ZNF229: variants seen among roughly 807,000 people sequenced by gnomAD.
ZNF229 encodes the protein zinc finger protein 229.
In ZNF229, 10 loss-of-function variants were observed where a neutral mutation model predicts 11.8. The observed-to-expected ratio is 0.85, with a 90% CI of 0.52 to 1.44. The LOEUF (loss-of-function observed/expected upper bound fraction) is 1.44, where lower values mean the gene tolerates loss of function less well. Ranked by LOEUF, ZNF229 falls within the 40% of genes most tolerant of loss-of-function variation. The pLI, the probability that ZNF229 is intolerant of heterozygous loss-of-function variation, is 0.00. For synonymous variants in ZNF229, 368 were observed against 374.8 expected, an observed-to-expected ratio of 0.98 and a Z score of 0.21; for missense variants, 1,045 against 1,015.1, an observed-to-expected ratio of 1.03 and a Z score of -0.40.
chr19:44,429,990 C>A lies in ZNF229; in HGVS notation c.791G>T (p.Gly264Val). 6.2e-7 allele frequency: 1 copy of A among 1,613,940 alleles called. No homozygotes were observed. Among genetic ancestry groups the A allele is most frequent in the Non-Finnish European group, 8.5e-7 (1 of 1,179,880 alleles). Residue 264 changes from glycine to valine, a missense_variant, in exon 6 of 6, where the codon GGC becomes GTC. Physicochemically the swap from Gly to Val is moderately radical, Grantham distance 109. Coordinates refer to ENST00000614049, the MANE Select transcript of ZNF229 (RefSeq NM_014518.4). ...VLHRINPGENGLKSNEYRNGF... is the reference protein window; with the variant it reads ...VLHRINPGENVLKSNEYRNGF... ...ATTTCTGTATTCGTTACTTTTCAAG[C>A]CATTCTCTCCAGGGTTAATGCGATG...
chr19:44,442,696 GTGC>G (rs1971934902), intron 3 of ZNF229, 75 bp from the exon 4 acceptor site: 1 of 1,603,632 alleles, frequency 6.2e-7, no homozygotes, highest in Admixed American at 1.7e-5. Flanking sequence ...TGGTAGGAAG[GTGC>G]CCAGCTTTAC....
At chr19:44,435,364 C>T (rs1041863013) in intron 4 of ZNF229, among the ~76,000 whole-genome samples, 2 of 151,974 alleles carry the variant, frequency 1.3e-5, no homozygotes, top group Admixed American at 6.6e-5. Context: ...AGACTTACTA[C>T]GGTGAAAGAA....
At position 44,430,242 on chromosome 19, in the gene ZNF229, C is replaced by T. The variant is rs781088110; in HGVS notation, c.539G>A (p.Arg180Lys). Residue 180 changes from arginine to lysine, a missense_variant, in exon 6 of 6, where the codon AGA (arginine) becomes AAA (lysine). Physicochemically the swap from Arg to Lys is conservative, Grantham distance 26. Transcript: ENST00000614049. ...CCAAGATCCTTGAATGGGGATTGGTCTTATAGCTCTCCAGGCTGGAAACTG... is the reference window on the plus strand; with the variant it reads ...CCAAGATCCTTGAATGGGGATTGGTTTTATAGCTCTCCAGGCTGGAAACTG... Reference protein sequence around the residue: ...NQQFPAWRAIRPIPIQGSWAK... With the variant: ...NQQFPAWRAIKPIPIQGSWAK... 1 of 1,614,152 alleles carries T rather than the reference C, an allele frequency of 6.2e-7. No individual in the cohort carries two copies. The highest frequency in any genetic ancestry group is 8.5e-7 in the Non-Finnish European group (1 of 1,180,038).
intron 2 of ZNF229, among the ~76,000 whole-genome samples, chr19:44,446,348 T>A (rs1972003075): frequency 2.0e-5 from 3 of 152,186 alleles, no homozygotes; most frequent in Admixed American, 2.0e-4. Context: ...GCAGCTCTAG[T>A]TTCTCAAAAC....
Position 44,429,569 on chromosome 19 carries a change from T to C in ZNF229, c.1212A>G (p.Pro404=), listed in dbSNP as rs376246000. ...CCTTCCCACACTCGCTGCATTTATATGGTTTCTCTCCAGTGTGGACCCTCT... is the reference window on the plus strand; with the variant it reads ...CCTTCCCACACTCGCTGCATTTATACGGTTTCTCTCCAGTGTGGACCCTCT... ...VHQRVHTGEK[P]YKCSECGKGF... Residue 404 remains proline (P), a synonymous_variant, in exon 6 of 6, where the codon CCA becomes CCG. Transcript: ENST00000614049. 5.0e-6 allele frequency: 8 copies of C among 1,611,632 alleles called. No individual in the cohort carries two copies. The African/African-American group carries it at 1.1e-4, about 22-fold the overall frequency.
chr19:44,445,955 T>C (rs547294745), intron 2 of ZNF229, among the ~76,000 whole-genome samples: 2 of 152,280 alleles, frequency 1.3e-5, no homozygotes, highest in South Asian at 4.2e-4. Flanking sequence ...GCTGGCTGTG[T>C]TGGGACCCAA....
intron 2 of ZNF229, among the ~76,000 whole-genome samples, chr19:44,443,900 T>A (rs988808816): frequency 1.3e-5 from 2 of 152,130 alleles, no homozygotes; most frequent in Non-Finnish European, 2.9e-5. Flanking sequence ...AGGGCAAGAA[T>A]TCCTTTTCAA....
intron 4 of ZNF229, among the ~76,000 whole-genome samples, chr19:44,442,335 G>A (rs1003257346): frequency 4.0e-4 from 61 of 152,044 alleles, no homozygotes; most frequent in African/African-American, 1.4e-3. Context: ...GTAGATTATC[G>A]AATCCAATTG....
intron 2 of ZNF229, among the ~76,000 whole-genome samples, chr19:44,445,572 T>C (rs1302489419): frequency 2.6e-5 from 4 of 152,186 alleles, no homozygotes; most frequent in African/African-American, 7.2e-5. Context: ...CCTCACCTGC[T>C]TTGGGTCCCT....
intron 4 of ZNF229, among the ~76,000 whole-genome samples, chr19:44,434,976 T>A (rs940636830): frequency 6.6e-6 from 1 of 152,076 alleles, no homozygotes; most frequent in Non-Finnish European, 1.5e-5. Context: ...ATCTGATGGC[T>A]TTATAAACAG....
At chr19:44,439,158 T>C (rs1971864881) in intron 4 of ZNF229, among the ~76,000 whole-genome samples, 1 of 152,172 alleles carries the variant, frequency 6.6e-6, no homozygotes, top group Admixed American at 6.5e-5. Context: ...ATTGCTTACT[T>C]GAGGAGAAAC....
Position 44,442,798 on chromosome 19 carries a change from C to CCCCAAA in ZNF229, c.34+15_34+16insTTTGGG. On this transcript the variant is annotated intron_variant, in intron 3 of 5. Coordinates refer to ENST00000614049, the MANE Select transcript of ZNF229 (RefSeq NM_014518.4). ...TTTGGATTCTCCCCCCACCCACCCC[C>CCCCAAA]TCTATTAGCTGTCACCTCTTTTCTC... 6.3e-7 allele frequency: 1 copy of CCCCAAA among 1,587,022 alleles called. No homozygotes were observed. Among genetic ancestry groups the CCCCAAA allele is most frequent in the Non-Finnish European group, 8.7e-7 (1 of 1,155,624 alleles).
At chr19:44,436,898 T>C (rs916109932) in intron 4 of ZNF229, among the ~76,000 whole-genome samples, 4 of 152,156 alleles carry the variant, frequency 2.6e-5, no homozygotes, top group Non-Finnish European at 5.9e-5. Context: ...GTATTTGATA[T>C]GTATACATAC....
intron 4 of ZNF229, among the ~76,000 whole-genome samples, chr19:44,439,195 T>C (rs1014026245): frequency 1.3e-5 from 2 of 152,214 alleles, no homozygotes; most frequent in Non-Finnish European, 2.9e-5. Context: ...ACAGAAGTCT[T>C]CTGCCTGTGA....
At chr19:44,431,882 TA>T (rs1971728991) in intron 5 of ZNF229, 1 of 880,906 alleles carries the variant, frequency 1.1e-6, no homozygotes, top group Non-Finnish European at 1.4e-6. Flanking sequence ...CTTCCGGAGG[TA>T]ATTAAGTCAT....
At chr19:44,441,937 C>A (rs553309593) in intron 4 of ZNF229, among the ~76,000 whole-genome samples, 1 of 149,908 alleles carries the variant, frequency 6.7e-6, no homozygotes, top group East Asian at 2.0e-4. Context: ...CTAGAATAAT[C>A]ATAAATCTTA....
chr19:44,447,820 C>A (rs1429777210), intron 1 of ZNF229, among the ~76,000 whole-genome samples: 1 of 152,110 alleles, frequency 6.6e-6, no homozygotes, highest in African/African-American at 2.4e-5. Flanking sequence ...CGTCTACAAG[C>A]CTACTTTCAC....
At chr19:44,437,211 T>C (rs1000882736) in intron 4 of ZNF229, among the ~76,000 whole-genome samples, 1 of 152,154 alleles carries the variant, frequency 6.6e-6, no homozygotes, top group African/African-American at 2.4e-5. Context: ...GACTTTTTGA[T>C]TAATCTGAGA....
Position 44,432,246 on chromosome 19 carries a change from A to C in ZNF229, c.214T>G (p.Ser72Ala), listed in dbSNP as rs778233632. 2 of 1,613,684 alleles carry C rather than the reference A, an allele frequency of 1.2e-6. No homozygotes were observed. Among genetic ancestry groups the C allele is most frequent in the South Asian group, 2.2e-5 (2 of 91,002 alleles). ...CCCAGAGGATTCCTCTCACCCACTG[A>C]GAGTAGGTTCCTGAAATTCTCCTGC... ...VMQENFRNLL[S>A]VGERNPLGDK... Residue 72 changes from serine to alanine, a missense_variant, in exon 5 of 6, where the codon TCA becomes GCA. Coordinates refer to ENST00000614049, the MANE Select transcript of ZNF229 (RefSeq NM_014518.4).
Sources: gnomAD v4.1 joint callset for allele counts (sites outside exome capture counted in the v4.1 genomes callset) on GRCh38, gnomAD v4.1.1 for gene constraint, MANE v1.5 for transcripts, NCBI Gene and HGNC (gene_info 2026-07-23, HGNC 2026-07-21) for gene names.